The following TMTC1 variants were observed in gnomAD, a reference collection of about 807,000 sequenced individuals.
TMTC1 encodes the protein transmembrane O-mannosyltransferase targeting cadherins 1.
A neutral mutation model predicts 104.8 loss-of-function variants in TMTC1; 73 were observed. The ratio of observed to expected loss-of-function variants is 0.70; its 90% CI spans 0.58 to 0.85. The LOEUF is 0.85. TMTC1 is among the 40% of genes least tolerant of loss of function. The probability of loss-of-function intolerance (pLI) is 0.00; values close to 1 mark genes in which losing one functional copy is unlikely to be tolerated. For synonymous variants in TMTC1, 434 were observed against 428.7 expected, an observed-to-expected ratio of 1.01 and a Z score of -0.15; for missense variants, 1,035 against 1,096.1, an observed-to-expected ratio of 0.94 and a Z score of 0.79.
In TMTC1 at chr12:29,607,780, C is replaced by T. The variant is rs530540548; in HGVS notation, c.1129-3481G>A. On this transcript the variant is annotated intron_variant, in intron 6 of 17. Transcript: ENST00000539277. ...CCCTTCCATCCTCAAGGTGCCTCAA[C>T]TATAAAAGGAGGCAAGTATGCCTGA... 5.3e-5 allele frequency among the ~76,000 whole-genome samples: 8 copies of T among 152,218 alleles called. No individual in the cohort carries two copies. In the East Asian group the frequency reaches 7.7e-4, roughly 15 times the overall value.
At chr12:29,561,223 T>G (rs1945369489) in intron 9 of TMTC1, among the ~76,000 whole-genome samples, 1 of 152,050 alleles carries the variant, frequency 6.6e-6, no homozygotes, top group Admixed American at 6.6e-5. Context: ...AGCACTTGTG[T>G]TCTTAAATGT....
intron 11 of TMTC1, among the ~76,000 whole-genome samples, chr12:29,523,273 T>C (rs1245090570): frequency 6.6e-6 from 1 of 152,100 alleles, no homozygotes; most frequent in Non-Finnish European, 1.5e-5. Flanking sequence ...CCAGAACAGG[T>C]TCAAGGAGAC....
chr12:29,549,745 T>C (rs1356294659), intron 10 of TMTC1, among the ~76,000 whole-genome samples: 1 of 152,150 alleles, frequency 6.6e-6, no homozygotes, highest in Non-Finnish European at 1.5e-5. Flanking sequence ...GATGAGGTTG[T>C]CTTCTGGGTG....
At chr12:29,767,778 A>C (rs1943501806) in intron 2 of TMTC1, 120 bp downstream of exon 2, 1 of 921,766 alleles carries the variant, frequency 1.1e-6, no homozygotes, top group Admixed American at 2.9e-5. Flanking sequence ...ATCTATATAC[A>C]CACACATATC....
At chr12:29,569,061 GA>G (rs1945596047) in intron 9 of TMTC1, 1 of 447,450 alleles carries the variant, frequency 2.2e-6, no homozygotes, top group Admixed American at 2.4e-5. Context: ...GAGGATTTAA[GA>G]AAAGGGTTTT....
chr12:29,565,090 T>C (rs1945474012), intron 9 of TMTC1, among the ~76,000 whole-genome samples: 1 of 152,072 alleles, frequency 6.6e-6, no homozygotes, highest in Non-Finnish European at 1.5e-5. Context: ...GCTCTCATGA[T>C]TGTGGGGGCT....
chr12:29,582,185 TA>T (rs1302770921), intron 8 of TMTC1, among the ~76,000 whole-genome samples: 1 of 152,252 alleles, frequency 6.6e-6, no homozygotes, highest in African/African-American at 2.4e-5. Context: ...CACATTATTT[TA>T]AAATAGTAGA....
intron 5 of TMTC1, among the ~76,000 whole-genome samples, chr12:29,701,977 T>C (rs1227935161): frequency 6.6e-6 from 1 of 152,224 alleles, no homozygotes; most frequent in Non-Finnish European, 1.5e-5. Context: ...CCTAATACAA[T>C]TGCAGGTTTT....
At chr12:29,658,690 C>G (rs777968347) in intron 5 of TMTC1, 3 of 214,454 alleles carry the variant, frequency 1.4e-5, no homozygotes, top group Non-Finnish European at 3.0e-5. Context: ...ACAATATCAC[C>G]TTTCTTATAG....
At chr12:29,690,713 C>T (rs1237103802) in intron 5 of TMTC1, among the ~76,000 whole-genome samples, 4 of 152,226 alleles carry the variant, frequency 2.6e-5, no homozygotes, top group Non-Finnish European at 5.9e-5. Context: ...TTTCCCTATT[C>T]TTTGTGTTTC....
At position 29,700,756 on chromosome 12, in the gene TMTC1, C is replaced by G. The variant is rs531237080; in HGVS notation, c.938+50910G>C. Among the ~76,000 whole-genome samples, 7 of 152,290 alleles carry G rather than the reference C, an allele frequency of 4.6e-5. No homozygotes were observed. The South Asian group carries it at 1.2e-3, about 27-fold the overall frequency. ...AGAGCCCACTGAGATGCTTCAACAA[C>G]TCACATAACATTTTCATGTCCTCAC... On this transcript the variant is annotated intron_variant, in intron 5 of 17. Coordinates refer to ENST00000539277, the MANE Select transcript of TMTC1 (RefSeq NM_001193451.2).
chr12:29,567,575 A>G (rs1488243470), intron 9 of TMTC1, among the ~76,000 whole-genome samples: 3 of 152,222 alleles, frequency 2.0e-5, no homozygotes, highest in Admixed American at 6.5e-5. Context: ...ACATGAAAAT[A>G]CCACATCAGC....
At chr12:29,604,625 C>G (rs941725400) in intron 6 of TMTC1, among the ~76,000 whole-genome samples, 2 of 152,196 alleles carry the variant, frequency 1.3e-5, no homozygotes, top group Non-Finnish European at 2.9e-5. Flanking sequence ...TTCAGAATCC[C>G]TGTCTTTCCA....
intron 11 of TMTC1, among the ~76,000 whole-genome samples, chr12:29,529,126 G>A (rs1424528471): frequency 1.3e-5 from 2 of 152,104 alleles, no homozygotes; most frequent in African/African-American, 4.8e-5. Context: ...TCATAACTGT[G>A]GATATATCAT....
rs111777863 is a variant in TMTC1 at position 29,604,431 on chromosome 12, C to T, written c.1129-132G>A. On this transcript the variant is annotated intron_variant, in intron 6 of 17. Transcript: ENST00000539277. Reference sequence around the variant, plus strand: ...ATTAGACCAATATAAACCTTTTGACCGGCGTGCTGAATTTAACAGAGAAAG... The same window carrying T: ...ATTAGACCAATATAAACCTTTTGACTGGCGTGCTGAATTTAACAGAGAAAG... The T allele has an allele frequency of 4.2e-5, 52 of 1,243,326 alleles. No individual in the cohort carries two copies. In the African/African-American group the frequency reaches 5.0e-4, roughly 12 times the overall value. The allele number at this position is 1,243,326 out of a possible 1,614,324, so 77.0% of individuals were successfully genotyped here.
At chr12:29,733,651 T>G (rs968910824) in intron 5 of TMTC1, among the ~76,000 whole-genome samples, 3 of 152,148 alleles carry the variant, frequency 2.0e-5, no homozygotes, top group Non-Finnish European at 4.4e-5. Context: ...CTGAACACAT[T>G]CTGCCTTGTC....
intron 10 of TMTC1, 26 bp downstream of exon 10, chr12:29,556,831 T>G: frequency 3.1e-6 from 5 of 1,613,088 alleles, no homozygotes; most frequent in South Asian, 1.1e-5. Context: ...CAAGGCCACC[T>G]GATCGATGGT....
intron 5 of TMTC1, among the ~76,000 whole-genome samples, chr12:29,683,883 C>T (rs1941005820): frequency 6.6e-6 from 1 of 151,614 alleles, no homozygotes; most frequent in African/African-American, 2.4e-5. Flanking sequence ...CCCTCTGTCA[C>T]CTAGCCATGG....
rs117414933 is a variant in TMTC1 at position 29,565,809 on chromosome 12, C to T, written c.1532+6296G>A. ...CCACAGTGAGTGGAGATCGCACCAC[C>T]GCACTCCAGCTTGGGCAACAGGAGT... is the stretch of plus-strand genomic sequence containing the variant. On this transcript the variant is annotated intron_variant, in intron 9 of 17. Coordinates refer to ENST00000539277, the MANE Select transcript of TMTC1 (RefSeq NM_001193451.2). 7.4e-3 allele frequency among the ~76,000 whole-genome samples: 1,124 copies of T among 152,200 alleles called. 13 individuals carry two copies. The highest frequency in any genetic ancestry group is 9.3e-3 in the Non-Finnish European group (631 of 68,004).
Sources: gnomAD v4.1 joint callset for allele counts (sites outside exome capture counted in the v4.1 genomes callset) on GRCh38, gnomAD v4.1.1 for gene constraint, MANE v1.5 for transcripts, NCBI Gene and HGNC (gene_info 2026-07-23, HGNC 2026-07-21) for gene names.